Variants in ESRRG observed in about 807,000 individuals in gnomAD.
ESRRG encodes the protein estrogen related receptor gamma.
A neutral mutation model predicts 44.0 loss-of-function variants in ESRRG; 13 were observed. The observed-to-expected ratio is 0.30, with a 90% CI of 0.19 to 0.47. The LOEUF (loss-of-function observed/expected upper bound fraction) is 0.47. Among genes scored for constraint, ESRRG ranks in the 20% least tolerant of loss-of-function variants. The pLI, the probability that ESRRG is intolerant of heterozygous loss-of-function variation, is 1.00. For missense variants in ESRRG, 395 were observed against 580.6 expected, an observed-to-expected ratio of 0.68 and a Z score of 3.29; for synonymous variants, 215 against 214.6, an observed-to-expected ratio of 1.00 and a Z score of -0.02.
intron 5 of ESRRG, among the ~76,000 whole-genome samples, chr1:216,526,672 T>C (rs544039934): frequency 6.6e-6 from 1 of 152,322 alleles, no homozygotes; most frequent in South Asian, 2.1e-4. Flanking sequence ...TTCTTATCTG[T>C]CAATTGCAAA....
intron 2 of ESRRG, among the ~76,000 whole-genome samples, chr1:216,867,817 C>A (rs2096192607): frequency 6.6e-6 from 1 of 152,054 alleles, no homozygotes; most frequent in Non-Finnish European, 1.5e-5. Context: ...CCCTATGAAT[C>A]TTAACACATG....
At chr1:216,781,687 T>C (rs1210177933) in intron 2 of ESRRG, among the ~76,000 whole-genome samples, 1 of 152,026 alleles carries the variant, frequency 6.6e-6, no homozygotes, top group Admixed American at 6.6e-5. Flanking sequence ...CAAATGGTCC[T>C]CTCTTCACTT....
intron 1 of ESRRG, among the ~76,000 whole-genome samples, chr1:216,961,458 A>G (rs920279516): frequency 6.6e-6 from 1 of 152,130 alleles, no homozygotes; most frequent in African/African-American, 2.4e-5. Context: ...ACCACAAACT[A>G]TTAGAAGATA....
At chr1:216,908,801 AG>A (rs1416627713) in intron 2 of ESRRG, among the ~76,000 whole-genome samples, 1 of 150,396 alleles carries the variant, frequency 6.6e-6, no homozygotes, top group African/African-American at 2.5e-5. Flanking sequence ...CCTAGGTACA[AG>A]GCAATGTGCC....
intron 1 of ESRRG, among the ~76,000 whole-genome samples, chr1:217,085,480 CATTTTTTTTTT>C (rs2092023383): frequency 1.5e-5 from 1 of 66,346 alleles, no homozygotes; most frequent in Non-Finnish European, 2.9e-5. Context: ...CTTTTCTTTT[CATTTTTTTTTT>C]TTTTTTTTTT....
At chr1:216,722,783 A>T (rs1003984812) in intron 1 of ESRRG, among the ~76,000 whole-genome samples, 2 of 152,208 alleles carry the variant, frequency 1.3e-5, no homozygotes, top group Non-Finnish European at 2.9e-5. Flanking sequence ...TTTTGCCTCT[A>T]ACTCTGCGCG....
chr1:216,762,062 T>C (rs2092807325), intron 2 of ESRRG, among the ~76,000 whole-genome samples: 1 of 152,132 alleles, frequency 6.6e-6, no homozygotes, highest in Non-Finnish European at 1.5e-5. Context: ...ATGGGTGTTA[T>C]ATTATTAAAT....
chr1:216,816,004 T>A (rs1226296089), intron 2 of ESRRG, among the ~76,000 whole-genome samples: 1 of 152,158 alleles, frequency 6.6e-6, no homozygotes, highest in East Asian at 1.9e-4. Flanking sequence ...ATGGCTCACA[T>A]GCAAAGTGTA....
intron 3 of ESRRG, among the ~76,000 whole-genome samples, chr1:216,636,100 C>T (rs1365348302): frequency 6.6e-6 from 1 of 152,148 alleles, no homozygotes; most frequent in African/African-American, 2.4e-5. Context: ...GAAACTGAGG[C>T]TAGAGACATA....
At chr1:216,904,083 G>A (rs552006923) in intron 2 of ESRRG, among the ~76,000 whole-genome samples, 101 of 152,148 alleles carry the variant, frequency 6.6e-4, no homozygotes, top group Middle Eastern at 6.8e-3. Context: ...GTTGCTGTAC[G>A]TATTAAAGAT....
intron 2 of ESRRG, among the ~76,000 whole-genome samples, chr1:216,913,409 T>G (rs1227188842): frequency 6.6e-6 from 1 of 152,172 alleles, no homozygotes. Context: ...GAAACAATCC[T>G]TCATGGATAC....
chr1:216,818,151 C>A (rs1240781656), intron 2 of ESRRG, among the ~76,000 whole-genome samples: 2 of 152,170 alleles, frequency 1.3e-5, no homozygotes, highest in Non-Finnish European at 2.9e-5. Context: ...ATTTATTCAT[C>A]CCACTAAAAC....
chr1:216,969,459 T>G (rs1560303234), intron 1 of ESRRG, among the ~76,000 whole-genome samples: 1 of 152,160 alleles, frequency 6.6e-6, no homozygotes, highest in Non-Finnish European at 1.5e-5. Context: ...TATTTTATGT[T>G]TCCACTGACC....
chr1:216,970,701 AT>A (rs2071457944), intron 1 of ESRRG, among the ~76,000 whole-genome samples: 1 of 152,208 alleles, frequency 6.6e-6, no homozygotes. Context: ...AGTTTTGACC[AT>A]CTAAAAGGAC....
chr1:217,029,373 C>T (rs2081697627), intron 1 of ESRRG, among the ~76,000 whole-genome samples: 1 of 152,134 alleles, frequency 6.6e-6, no homozygotes, highest in African/African-American at 2.4e-5. Context: ...TTGAATGACT[C>T]ACCAGGAAAC....
intron 3 of ESRRG, among the ~76,000 whole-genome samples, chr1:216,603,650 C>T (rs116703824): frequency 0.036 from 5,445 of 152,172 alleles, 152 homozygotes; most frequent in Non-Finnish European, 0.047. Flanking sequence ...AAAAATCAGC[C>T]GGGCACCGTG....
At chr1:217,045,168 C>T (rs1467201247) in intron 1 of ESRRG, among the ~76,000 whole-genome samples, 1 of 152,120 alleles carries the variant, frequency 6.6e-6, no homozygotes, top group Non-Finnish European at 1.5e-5. Context: ...AAATGCAAAA[C>T]TATCCAAGGC....
chr1:216,895,487 T>C (rs2058316405), intron 2 of ESRRG, among the ~76,000 whole-genome samples: 1 of 152,118 alleles, frequency 6.6e-6, no homozygotes, highest in Non-Finnish European at 1.5e-5. Context: ...TTAAATAGAG[T>C]CTCTCTTTGA....
intron 2 of ESRRG, among the ~76,000 whole-genome samples, chr1:216,898,036 C>A (rs751536983): frequency 1.3e-5 from 2 of 152,114 alleles, no homozygotes; most frequent in African/African-American, 4.8e-5. Flanking sequence ...ACCACCACTT[C>A]GCAAATTATA....
Sources: gnomAD v4.1 joint callset for allele counts (sites outside exome capture counted in the v4.1 genomes callset) on GRCh38, gnomAD v4.1.1 for gene constraint, MANE v1.5 for transcripts, NCBI Gene and HGNC (gene_info 2026-07-23, HGNC 2026-07-21) for gene names.